VWA2: variants seen among roughly 807,000 people sequenced by gnomAD.
The protein encoded by VWA2 is von Willebrand factor A domain containing 2, also known as von Willebrand factor A domain-containing protein 2.
A neutral mutation model predicts 70.4 loss-of-function variants in VWA2; 73 were observed. That is an observed-to-expected ratio of 1.04 (90% CI 0.86 to 1.26). The LOEUF is 1.26. Among genes scored for constraint, VWA2 ranks in the 50% most tolerant of loss-of-function variants. The pLI is 0.00. For synonymous variants in VWA2, 407 were observed against 423.3 expected (o/e 0.96, Z 0.47); for missense variants, 1,011 against 998.5 (o/e 1.01, Z -0.17).
At position 114,246,385 on chromosome 10, in the gene VWA2, C is replaced by T. The variant is rs560070098; in HGVS notation, c.-10-2319C>T. 7 of 594,474 alleles carry T rather than the reference C, an allele frequency of 1.2e-5. No individual in the cohort carries two copies. In the South Asian group the frequency reaches 1.4e-4, roughly 12 times the overall value. 36.8% of individuals were successfully genotyped at this position (594,474 alleles called of 1,614,324 possible). A position where few individuals can be genotyped will look rare whatever the true frequency, so the allele number is the denominator to read the frequency against. ...GCGTGGTGGCGCATGCCTGTAATCC[C>T]AGCTACTCAGAAGGCTGAGACAGGA... On this transcript the variant is annotated intron_variant, in intron 1 of 13. Coordinates refer to ENST00000392982, the MANE Select transcript of VWA2 (RefSeq NM_001272046.2).
Position 114,289,482 on chromosome 10 carries a change from G to C in VWA2, c.2115G>C (p.Leu705=), listed in dbSNP as rs763617029. 1 of 1,614,188 alleles carries C rather than the reference G, an allele frequency of 6.2e-7. No homozygotes were observed. The highest frequency in any genetic ancestry group is 8.5e-7 in the Non-Finnish European group (1 of 1,180,028). The change falls in exon 12 of 14, where the codon CTG becomes CTC. Residue 705 remains leucine (L), a synonymous_variant. Coordinates refer to ENST00000392982, the MANE Select transcript of VWA2 (RefSeq NM_001272046.2). The part of the protein sequence containing the change: ...RYHQDVLIEW[L]CGEAKQPVNL... ...ACCAGGACGTGCTCATTGAGTGGCTGTGTGGAGGTGAGTGGGGGAATCCAC... is the reference window on the plus strand; with the variant it reads ...ACCAGGACGTGCTCATTGAGTGGCTCTGTGGAGGTGAGTGGGGGAATCCAC...
intron 8 of VWA2, among the ~76,000 whole-genome samples, chr10:114,282,071 G>A (rs1424598468): frequency 6.9e-6 from 1 of 145,914 alleles, no homozygotes; most frequent in Non-Finnish European, 1.5e-5. Context: ...GTGCAGTTGT[G>A]CAATCTCGGC....
intron 12 of VWA2, 74 bp from the exon 13 acceptor site, chr10:114,290,166 C>T: frequency 3.9e-6 from 6 of 1,528,642 alleles, no homozygotes; most frequent in Non-Finnish European, 5.3e-6. Context: ...CTCTACTGGG[C>T]TTACTTAGGG....
chr10:114,278,915 G>A (rs573108867), intron 8 of VWA2, 64 bp downstream of exon 8: 1 of 1,601,228 alleles, frequency 6.2e-7, no homozygotes, highest in South Asian at 1.1e-5. Context: ...TGAGCTGCGG[G>A]GAGGATAGTA....
At position 114,261,210 on chromosome 10, in the gene VWA2, A is replaced by G; in HGVS notation, c.286A>G (p.Ser96Gly). The change falls in exon 5 of 14, where the codon AGT becomes GGT. Residue 96 changes from serine (S) to glycine (G), a missense_variant. Coordinates refer to ENST00000392982, the MANE Select transcript of VWA2 (RefSeq NM_001272046.2). ...GGTCAGAGTGGGAGCATTCCAGTTC[A>G]GTTCCACTCCTCATCTGGAATTCCC... ...ERVRVGAFQF[S>G]STPHLEFPLD... The G allele has an allele frequency of 6.2e-7, 1 of 1,614,080 alleles. No individual in the cohort carries two copies. The highest frequency in any genetic ancestry group is 8.5e-7 in the Non-Finnish European group (1 of 1,179,942).
chr10:114,272,363 C>G (rs1188686500), intron 5 of VWA2, among the ~76,000 whole-genome samples: 2 of 152,152 alleles, frequency 1.3e-5, no homozygotes, highest in Non-Finnish European at 2.9e-5. Flanking sequence ...TCATTATCTG[C>G]TTTCCCAACC....
At position 114,286,014 on chromosome 10, in the gene VWA2, G is replaced by C; in HGVS notation, c.1073G>C (p.Gly358Ala). 6.2e-7 allele frequency: 1 copy of C among 1,614,090 alleles called. No individual in the cohort carries two copies. Among genetic ancestry groups the C allele is most frequent in the South Asian group, 1.1e-5 (1 of 91,066 alleles). ...LDSSAGTTLD[G>A]FLRAKVFVKR... Reference sequence around the variant, plus strand: ...AGCTCTGCGGGCACCACTCTGGACGGCTTCCTGCGGGCCAAAGTCTTCGTG... The same window carrying C: ...AGCTCTGCGGGCACCACTCTGGACGCCTTCCTGCGGGCCAAAGTCTTCGTG... The change falls in exon 11 of 14, where the codon GGC becomes GCC. Residue 358 changes from glycine (G) to alanine (A), a missense_variant. Transcript: ENST00000392982.
intron 4 of VWA2, among the ~76,000 whole-genome samples, chr10:114,257,312 AG>A (rs2037351742): frequency 6.6e-6 from 1 of 152,214 alleles, no homozygotes; most frequent in African/African-American, 2.4e-5. Context: ...TGCTTTTAAA[AG>A]GGTTCCTTAT....
chr10:114,286,079 G>C lies in VWA2; in HGVS notation c.1138G>C (p.Ala380Pro). The C allele has an allele frequency of 6.2e-7, 1 of 1,614,136 alleles. No individual in the cohort carries two copies. Among genetic ancestry groups the C allele is most frequent in the African/African-American group, 1.3e-5 (1 of 75,068 alleles). The change falls in exon 11 of 14, where the codon GCC becomes CCC. Residue 380 changes from alanine to proline, a missense_variant. Coordinates refer to ENST00000392982, the MANE Select transcript of VWA2 (RefSeq NM_001272046.2). ...VRAVLSEDSR[A>P]RVGVATYSRE... is the part of the protein sequence containing the mutation. ...GGCCGTGCTGAGCGAGGACTCTCGG[G>C]CCCGAGTGGGTGTGGCCACATACAG...
In VWA2 at chr10:114,284,939, C is replaced by T; in HGVS notation, c.966C>T (p.Cys322=). 6.2e-7 allele frequency: 1 copy of T among 1,604,040 alleles called. No homozygotes were observed. The highest frequency in any genetic ancestry group is 8.5e-7 in the Non-Finnish European group (1 of 1,176,310). ...PEGLDGYQCL[C]PLAFGGEANC... ...GACTGGACGGCTACCAGTGCCTCTGCCCGCTGGCCTTTGGAGGGGAGGCTA... is the reference window on the plus strand; with the variant it reads ...GACTGGACGGCTACCAGTGCCTCTGTCCGCTGGCCTTTGGAGGGGAGGCTA... The change falls in exon 10 of 14, where the codon TGC becomes TGT. Residue 322 remains cysteine (C), a synonymous_variant. Transcript: ENST00000392982.
chr10:114,282,659 AGGGT>A (rs1436157139), intron 9 of VWA2, 88 bp downstream of exon 9: 5 of 1,211,892 alleles, frequency 4.1e-6, no homozygotes, highest in Non-Finnish European at 6.1e-6. Context: ...CCTGGGACAG[AGGGT>A]GGGGTTGTGA....
At position 114,289,259 on chromosome 10, in the gene VWA2, G is replaced by A. The variant is rs1162802846; in HGVS notation, c.1892G>A (p.Gly631Asp). Residue 631 changes from glycine (G) to aspartate (D), a missense_variant, in exon 12 of 14, where the codon GGT (glycine) becomes GAT (aspartate). Physicochemically the swap from Gly to Asp is moderately conservative, Grantham distance 94. Coordinates refer to ENST00000392982, the MANE Select transcript of VWA2 (RefSeq NM_001272046.2). Reference protein sequence around the residue: ...VMTVQRGARPGVPKAVVVLTG... With the variant: ...VMTVQRGARPDVPKAVVVLTG... Reference sequence around the variant, plus strand: ...ACCGTCCAGAGGGGTGCCCGGCCTGGTGTCCCCAAAGCTGTGGTGGTGCTC... The same window carrying A: ...ACCGTCCAGAGGGGTGCCCGGCCTGATGTCCCCAAAGCTGTGGTGGTGCTC... The A allele has an allele frequency of 6.2e-7, 1 of 1,614,050 alleles. No homozygotes were observed. Among genetic ancestry groups the A allele is most frequent in the African/African-American group, 1.3e-5 (1 of 74,938 alleles).
chr10:114,283,324 AGCG>A (rs1564735863), intron 9 of VWA2, among the ~76,000 whole-genome samples: 1 of 143,370 alleles, frequency 7.0e-6, no homozygotes, highest in Non-Finnish European at 1.5e-5. Flanking sequence ...CAGGCAGGGT[AGCG>A]AGCAGTTAGA....
At chr10:114,283,492 A>G (rs2038454181) in intron 9 of VWA2, among the ~76,000 whole-genome samples, 1 of 152,220 alleles carries the variant, frequency 6.6e-6, no homozygotes, top group African/African-American at 2.4e-5. Context: ...TCTGAAGCAC[A>G]GGAGAATCTG....
At chr10:114,242,458 C>T (rs1042143079) in intron 1 of VWA2, among the ~76,000 whole-genome samples, 7 of 152,112 alleles carry the variant, frequency 4.6e-5, no homozygotes, top group Admixed American at 3.3e-4. Flanking sequence ...CTGTGTACCA[C>T]GTGCCTCTGT....
At chr10:114,281,084 T>C (rs1186732136) in intron 8 of VWA2, 1 of 152,218 alleles carries the variant, frequency 6.6e-6, no homozygotes, top group African/African-American at 2.4e-5. Flanking sequence ...TGACTTGGCG[T>C]GTACTCCATT....
intron 2 of VWA2, among the ~76,000 whole-genome samples, chr10:114,249,109 A>G (rs1391095906): frequency 1.3e-5 from 2 of 151,986 alleles, no homozygotes; most frequent in Non-Finnish European, 1.5e-5. Context: ...TGCTGCACCT[A>G]TCAACCCATC....
chr10:114,269,787 G>A (rs1243755272), intron 5 of VWA2, among the ~76,000 whole-genome samples: 1 of 152,150 alleles, frequency 6.6e-6, no homozygotes, highest in East Asian at 1.9e-4. Flanking sequence ...CCACAAGGGA[G>A]GGGAGGCTTT....
chr10:114,270,414 A>G (rs1004561062), intron 5 of VWA2, among the ~76,000 whole-genome samples: 2 of 152,254 alleles, frequency 1.3e-5, no homozygotes, highest in African/African-American at 4.8e-5. Flanking sequence ...GGTTGAGCAC[A>G]GCGTCTGGCA....
Sources: allele counts gnomAD v4.1 joint callset (sites outside exome capture counted in the v4.1 genomes callset), GRCh38; gene constraint gnomAD v4.1.1; transcripts MANE v1.5; gene names NCBI Gene and HGNC (gene_info 2026-07-23, HGNC 2026-07-21).